Variants in RAD51B observed in about 807,000 individuals in gnomAD.
The protein encoded by RAD51B is DNA repair protein RAD51 homolog 2.
In RAD51B, 38 loss-of-function variants were observed where a neutral mutation model predicts 42.2. That is an observed-to-expected ratio of 0.90 (90% CI 0.70 to 1.18). The LOEUF (loss-of-function observed/expected upper bound fraction) is 1.18, where lower values mean the gene tolerates loss of function less well. RAD51B is among the 50% of genes most tolerant of loss of function. RAD51B has a pLI of 0.00. For missense variants in RAD51B, 373 were observed against 400.7 expected (o/e 0.93, Z 0.59); for synonymous variants, 154 against 145.2 (o/e 1.06, Z -0.43).
At chr14:68,417,471 C>T (rs530025176) in intron 9 of RAD51B, among the ~76,000 whole-genome samples, 7 of 152,346 alleles carry the variant, frequency 4.6e-5, no homozygotes, top group African/African-American at 1.4e-4. Context: ...TGCCCACACT[C>T]TTGCAACAGA....
chr14:68,609,873 C>T (rs1433335899), intron 10 of RAD51B, among the ~76,000 whole-genome samples: 1 of 152,038 alleles, frequency 6.6e-6, no homozygotes, highest in East Asian at 1.9e-4. Flanking sequence ...CCACCCTTTG[C>T]CTCCCCTCCA....
At chr14:68,544,945 G>A (rs977222259) in intron 10 of RAD51B, among the ~76,000 whole-genome samples, 1 of 152,230 alleles carries the variant, frequency 6.6e-6, no homozygotes, top group Non-Finnish European at 1.5e-5. Flanking sequence ...TGTGGGCTTA[G>A]GGAATAGTAA....
chr14:67,927,449 T>C (rs1396226110), intron 7 of RAD51B, among the ~76,000 whole-genome samples: 1 of 152,214 alleles, frequency 6.6e-6, no homozygotes, highest in East Asian at 1.9e-4. Flanking sequence ...TATCTAACTA[T>C]GTGTTTGTAC....
chr14:68,440,997 A>T (rs910485587), intron 9 of RAD51B, among the ~76,000 whole-genome samples: 6 of 152,214 alleles, frequency 3.9e-5, no homozygotes, highest in African/African-American at 1.4e-4. Flanking sequence ...TGACTCATAG[A>T]ACTTTATAGA....
chr14:68,371,304 G>C (rs564215398), intron 8 of RAD51B, among the ~76,000 whole-genome samples: 2 of 151,756 alleles, frequency 1.3e-5, no homozygotes, highest in African/African-American at 4.8e-5. Flanking sequence ...AGATCACAAG[G>C]TCAAGAGATG....
Position 68,594,720 on chromosome 14 carries a change from C to G in RAD51B, c.*117C>G, listed in dbSNP as rs967606618. 6 of 1,261,512 alleles carry G rather than the reference C, an allele frequency of 4.8e-6. No individual in the cohort carries two copies. The African/African-American group carries it at 7.6e-5, about 16-fold the overall frequency. The allele number at this position is 1,261,512 out of a possible 1,614,324, so 78.1% of individuals were successfully genotyped here. On this transcript the variant is annotated 3_prime_UTR_variant, in exon 11 of 11. Transcript: ENST00000487270. Reference sequence around the variant, plus strand: ...CTAGGATTACAAGTATGAGACTTTGCCATTCCAATGAGAATTTTGTCCTTA... The same window carrying G: ...CTAGGATTACAAGTATGAGACTTTGGCATTCCAATGAGAATTTTGTCCTTA...
At chr14:68,506,706 G>T (rs535837865) in intron 10 of RAD51B, among the ~76,000 whole-genome samples, 2 of 152,198 alleles carry the variant, frequency 1.3e-5, no homozygotes, top group Non-Finnish European at 2.9e-5. Flanking sequence ...AAGGCGGGTG[G>T]GGGGGACAAA....
intron 10 of RAD51B, among the ~76,000 whole-genome samples, chr14:68,606,657 A>G (rs1891458657): frequency 6.6e-6 from 1 of 152,166 alleles, no homozygotes; most frequent in Non-Finnish European, 1.5e-5. Context: ...CAAAGAGTTA[A>G]AGAGGGTGGG....
chr14:68,228,788 C>T (rs2080091300), intron 7 of RAD51B, among the ~76,000 whole-genome samples: 1 of 152,186 alleles, frequency 6.6e-6, no homozygotes, highest in Non-Finnish European at 1.5e-5. Flanking sequence ...TACGTCAAGC[C>T]ACTATTTCTT....
At chr14:68,198,493 T>C (rs2079419653) in intron 7 of RAD51B, among the ~76,000 whole-genome samples, 3 of 152,324 alleles carry the variant, frequency 2.0e-5, no homozygotes, top group Non-Finnish European at 4.4e-5. Flanking sequence ...AAGTTTTCAC[T>C]GGGATTGTAA....
At chr14:67,966,164 C>T (rs936871487) in intron 7 of RAD51B, among the ~76,000 whole-genome samples, 1 of 152,168 alleles carries the variant, frequency 6.6e-6, no homozygotes, top group Admixed American at 6.5e-5. Flanking sequence ...CCTACTACTC[C>T]TACCTTATCT....
intron 9 of RAD51B, among the ~76,000 whole-genome samples, chr14:68,446,557 G>A (rs2085426299): frequency 6.6e-6 from 1 of 152,138 alleles, no homozygotes; most frequent in South Asian, 2.1e-4. Flanking sequence ...GCAATAGTTG[G>A]TTAACCCAAG....
chr14:68,638,966 G>A (rs551541417), intron 10 of RAD51B, among the ~76,000 whole-genome samples: 2 of 152,314 alleles, frequency 1.3e-5, no homozygotes, highest in East Asian at 3.9e-4. Context: ...GGGGGTTGGT[G>A]CTTGGAGCCT....
intron 7 of RAD51B, among the ~76,000 whole-genome samples, chr14:68,078,893 G>C (rs2076873767): frequency 6.6e-6 from 1 of 152,140 alleles, no homozygotes; most frequent in African/African-American, 2.4e-5. Flanking sequence ...AGGAGGTTGT[G>C]GTGGGGGAAT....
rs117481406 is a variant in RAD51B at position 68,213,494 on chromosome 14, A to T, written c.757-78390A>T. ...CAGATTAATGTAAAGTCCTAAGCTA[A>T]GGTTAACAAAATAGTATGTTAAGTC... On this transcript the variant is annotated intron_variant, in intron 7 of 10. Transcript: ENST00000471583. 6.9e-3 allele frequency among the ~76,000 whole-genome samples: 1,048 copies of T among 152,364 alleles called. 3 individuals carry two copies. Among genetic ancestry groups the T allele is most frequent in the Non-Finnish European group, 0.011 (725 of 68,036 alleles).
intron 11 of RAD51B, among the ~76,000 whole-genome samples, chr14:68,675,368 G>A (rs1019021961): frequency 1.3e-5 from 2 of 152,054 alleles, no homozygotes; most frequent in Admixed American, 6.6e-5. Context: ...AATGACAGAG[G>A]GAAGTGACTC....
At chr14:68,563,388 C>T (rs1254830239) in intron 10 of RAD51B, 1 of 985,300 alleles carries the variant, frequency 1.0e-6, no homozygotes, top group Non-Finnish European at 1.2e-6. Context: ...GTTTTTCTTT[C>T]TTCCCGCCCC....
At chr14:68,092,239 G>A (rs990258123) in intron 7 of RAD51B, among the ~76,000 whole-genome samples, 9 of 152,192 alleles carry the variant, frequency 5.9e-5, no homozygotes, top group Non-Finnish European at 1.0e-4. Flanking sequence ...TGTGAAGAAA[G>A]TCATTGGTAG....
intron 7 of RAD51B, among the ~76,000 whole-genome samples, chr14:67,910,382 G>T (rs1296654463): frequency 1.6e-5 from 1 of 63,200 alleles, no homozygotes; most frequent in East Asian, 3.3e-4. Context: ...CTCCAGCCTG[G>T]GCGACAGAGC....
Sources: gnomAD v4.1 joint callset for allele counts (sites outside exome capture counted in the v4.1 genomes callset) on GRCh38, gnomAD v4.1.1 for gene constraint, MANE v1.5 for transcripts, NCBI Gene and HGNC (gene_info 2026-07-23, HGNC 2026-07-21) for gene names.